Variants in HEATR1 observed in about 807,000 individuals in gnomAD.
HEATR1 encodes the protein HEAT repeat-containing protein 1.
In HEATR1, 77 loss-of-function variants were observed where a neutral mutation model predicts 248.2. The ratio of observed to expected loss-of-function variants is 0.31; its 90% CI spans 0.26 to 0.37. HEATR1 has a LOEUF of 0.37. HEATR1 is among the 10% of genes least tolerant of loss of function. The pLI, the probability that HEATR1 is intolerant of heterozygous loss-of-function variation, is 1.00. For missense variants in HEATR1, 2,420 were observed against 2,504.9 expected (o/e 0.97, Z 0.72); for synonymous variants, 897 against 923.1 (o/e 0.97, Z 0.51).
chr1:236,590,362 G>T (rs1329703310), intron 12 of HEATR1, among the ~76,000 whole-genome samples: 24 of 151,960 alleles, frequency 1.6e-4, no homozygotes, highest in Non-Finnish European at 8.8e-5. Context: ...CAAGTAGCTG[G>T]GACCAAAGCG....
Position 236,590,913 on chromosome 1 carries a change from AT to A in HEATR1, c.1463del (p.Asn488IlefsTer7). ...GAATTCTCACAGGAGCAAGTGGATG[AT>A]TCAGGCTGAGCATCAAAGAAGTATC... ...DSDTSLMLSL[N>X]HPLAPVRILA... On this transcript the variant is annotated frameshift_variant, in exon 12 of 45. Coordinates refer to ENST00000366582, the MANE Select transcript of HEATR1 (RefSeq NM_018072.6). LOFTEE classifies it high-confidence loss of function. 6.6e-7 allele frequency: 1 copy of A among 1,520,512 alleles called. No homozygotes were observed. Among genetic ancestry groups the A allele is most frequent in the Non-Finnish European group, 8.9e-7 (1 of 1,125,736 alleles). 94.2% of individuals were successfully genotyped at this position (1,520,512 alleles called of 1,614,324 possible).
intron 33 of HEATR1, among the ~76,000 whole-genome samples, chr1:236,560,286 A>ATTAATAGAAAT (rs2103127184): frequency 6.6e-6 from 1 of 152,288 alleles, no homozygotes; most frequent in Non-Finnish European, 1.5e-5. Context: ...AAAGAGAAAT[A>ATTAATAGAAAT]TTAATAGAAA....
Position 236,603,985 on chromosome 1 carries a change from G to C in HEATR1, c.111C>G (p.Ala37=). Reference sequence around the variant, plus strand: ...CGAAGGCGGTGTCCCTGTCGATTGTGGCCGCTTCCTTAGGGTCAAATAACA... The same window carrying C: ...CGAAGGCGGTGTCCCTGTCGATTGTCGCCGCTTCCTTAGGGTCAAATAACA... ...ASLLFDPKEA[A]TIDRDTAFAI... The change falls in exon 2 of 45, where the codon GCC becomes GCG. Residue 37 remains alanine, a synonymous_variant. Transcript: ENST00000366582. The C allele has an allele frequency of 1.9e-6, 3 of 1,599,168 alleles. No homozygotes were observed. The Admixed American group carries it at 5.4e-5, about 29-fold the overall frequency.
At chr1:236,556,040 T>C in intron 38 of HEATR1, 60 bp downstream of exon 38, 1 of 1,608,138 alleles carries the variant, frequency 6.2e-7, no homozygotes, top group Non-Finnish European at 8.5e-7. Flanking sequence ...AAGTCAAAGT[T>C]TACACATTGC....
intron 20 of HEATR1, among the ~76,000 whole-genome samples, chr1:236,578,454 T>C (rs1232553497): frequency 6.6e-6 from 1 of 152,252 alleles, no homozygotes; most frequent in East Asian, 1.9e-4. Flanking sequence ...CGCTAGCTTT[T>C]GATTTGAGGA....
intron 38 of HEATR1, 79 bp downstream of exon 38, chr1:236,556,021 T>A: frequency 1.9e-6 from 3 of 1,606,068 alleles, no homozygotes; most frequent in Non-Finnish European, 2.6e-6. Context: ...AAACTAAATC[T>A]TCTTCTTTAA....
At chr1:236,582,435 TC>T (rs1313080314) in intron 19 of HEATR1, among the ~76,000 whole-genome samples, 30 of 89,332 alleles carry the variant, frequency 3.4e-4, no homozygotes, top group African/African-American at 7.8e-4. Context: ...AGAGTCTCAC[TC>T]TTGTCACCCA....
Position 236,554,685 on chromosome 1 carries a change from G to T in HEATR1, c.5991C>A (p.Asn1997Lys). The T allele has an allele frequency of 6.2e-7, 1 of 1,613,166 alleles. No homozygotes were observed. The highest frequency in any genetic ancestry group is 8.5e-7 in the Non-Finnish European group (1 of 1,179,602). ...KCCLLLQFIL[N>K]CLYKIFLFDT... ...CAAAAAGGAAGATTTTGTATAAACA[G>T]TTCAAAATAAACTGCAACAGCAAGC... The change falls in exon 42 of 45, where the codon AAC (asparagine) becomes AAA (lysine). Residue 1997 changes from asparagine (N) to lysine (K), a missense_variant. By Grantham distance (94) the Asn-to-Lys change is moderately conservative. Transcript: ENST00000366582.
rs777239211 is a variant in HEATR1 at position 236,565,991 on chromosome 1, T to C, written c.4363A>G (p.Ser1455Gly). 1.4e-5 allele frequency: 22 copies of C among 1,613,812 alleles called. No individual in the cohort carries two copies. ...EFWFSVCCEFSVQHQIQSLMN... is the reference protein window; with the variant it reads ...EFWFSVCCEFGVQHQIQSLMN... ...AAGCTTTGTATCTGATGCTGGACAC[T>C]AAACTCACAACAGACTGAAAACCAA... is the stretch of plus-strand genomic sequence containing the variant. The change falls in exon 31 of 45, where the codon AGT becomes GGT. Residue 1455 changes from serine (S) to glycine (G), a missense_variant. Physicochemically the swap from Ser to Gly is moderately conservative, Grantham distance 56 (BLOSUM62 0). Coordinates refer to ENST00000366582, the MANE Select transcript of HEATR1 (RefSeq NM_018072.6).
chr1:236,585,313 T>A, intron 16 of HEATR1, 97 bp from the exon 17 acceptor site: 1 of 943,608 alleles, frequency 1.1e-6, no homozygotes, highest in Non-Finnish European at 1.6e-6. Context: ...GTTTTACATT[T>A]AAAGTGAGAT....
At chr1:236,597,086 C>A in intron 5 of HEATR1, 110 bp from the exon 6 acceptor site, 1 of 906,362 alleles carries the variant, frequency 1.1e-6, no homozygotes, top group Non-Finnish European at 1.6e-6. Context: ...GATGGCACCA[C>A]TGTACTCTAG....
Position 236,550,062 on chromosome 1 carries a change from C to T in HEATR1, c.*840G>A, listed in dbSNP as rs551696863. 1.1e-4 allele frequency: 17 copies of T among 152,310 alleles called. No homozygotes were observed. The South Asian group carries it at 2.5e-3, about 22-fold the overall frequency. The allele number at this position is 152,310 out of a possible 1,614,324, so 9.4% of individuals were successfully genotyped here. The stretch of plus-strand genomic sequence containing the variant: ...GCAGATCTAATTTTATTTGAACCCT[C>T]ACTTTCCAACTTCACCATGACCCAG... On this transcript the variant is annotated 3_prime_UTR_variant, in exon 45 of 45. Transcript: ENST00000366582.
chr1:236,590,650 A>G (rs1664007177), intron 12 of HEATR1, among the ~76,000 whole-genome samples, 197 bp downstream of exon 12: 2 of 152,228 alleles, frequency 1.3e-5, no homozygotes, highest in African/African-American at 4.8e-5. Flanking sequence ...ACATAAAAGT[A>G]GTTGTTATTA....
chr1:236,564,226 G>T (rs1050552680), intron 32 of HEATR1, among the ~76,000 whole-genome samples: 3 of 152,210 alleles, frequency 2.0e-5, no homozygotes, highest in African/African-American at 7.2e-5. Context: ...AAAGATTCTT[G>T]TAGTTTTTTT....
At chr1:236,583,573 G>A (rs1399471621) in intron 17 of HEATR1, among the ~76,000 whole-genome samples, 2 of 144,618 alleles carry the variant, frequency 1.4e-5, no homozygotes, top group Non-Finnish European at 3.0e-5. Flanking sequence ...TGCAACCTCC[G>A]CTTCCCAGGT....
At chr1:236,601,828 A>T (rs1341935548) in intron 3 of HEATR1, among the ~76,000 whole-genome samples, 1 of 151,558 alleles carries the variant, frequency 6.6e-6, no homozygotes, top group African/African-American at 2.4e-5. Context: ...CCTGACACTC[A>T]ATAAAATAAA....
chr1:236,598,108 C>T, intron 4 of HEATR1, 129 bp from the exon 5 acceptor site: 1 of 548,698 alleles, frequency 1.8e-6, no homozygotes, highest in Non-Finnish European at 3.2e-6. Context: ...CTCCTTATAA[C>T]TGGTGGTGGT....
At chr1:236,588,314 G>A (rs904089510) in intron 12 of HEATR1, among the ~76,000 whole-genome samples, 6 of 152,310 alleles carry the variant, frequency 3.9e-5, no homozygotes, top group Middle Eastern at 3.4e-3. Context: ...TAGTTAAGGA[G>A]TTCATCTTAT....
intron 28 of HEATR1, among the ~76,000 whole-genome samples, chr1:236,569,905 TA>T (rs1558182465): frequency 6.6e-6 from 1 of 152,208 alleles, no homozygotes; most frequent in African/African-American, 2.4e-5. Flanking sequence ...GATGAACAGA[TA>T]AACAAAATGT....
Sources: allele counts gnomAD v4.1 joint callset (sites outside exome capture counted in the v4.1 genomes callset), GRCh38; gene constraint gnomAD v4.1.1; transcripts MANE v1.5; gene names NCBI Gene and HGNC (gene_info 2026-07-23, HGNC 2026-07-21).